The following ASCC3 variants were observed in gnomAD, a reference collection of about 807,000 sequenced individuals.
The protein encoded by ASCC3 is ASC-1 complex subunit P200.
A neutral mutation model predicts 256.3 loss-of-function variants in ASCC3; 158 were observed. The observed-to-expected ratio is 0.62, with a 90% confidence interval of 0.54 to 0.70. ASCC3 has a LOEUF of 0.70. Ranked by LOEUF, ASCC3 falls within the 30% of genes least tolerant of loss-of-function variation. The pLI is 0.00. For missense variants in ASCC3, 2,259 were observed against 2,626.0 expected (o/e 0.86, Z 3.05); for synonymous variants, 948 against 883.4 (o/e 1.07, Z -1.30).
Position 100,515,073 on chromosome 6 carries a change from A to C in ASCC3, c.6075+1107T>G, listed in dbSNP as rs147798491. 3.2e-4 allele frequency among the ~76,000 whole-genome samples: 48 copies of C among 152,332 alleles called. No individual in the cohort carries two copies. In the East Asian group the frequency reaches 8.7e-3, roughly 28 times the overall value. ...AATGGCAATTTATGCAAATAAATTA[A>C]GTAAGTTTACTTCTGAGTTCTCCCT... On this transcript the variant is annotated intron_variant, in intron 39 of 41. Coordinates refer to ENST00000369162, the MANE Select transcript of ASCC3 (RefSeq NM_006828.4).
chr6:100,659,898 C>T (rs1776105471), intron 16 of ASCC3, among the ~76,000 whole-genome samples: 1 of 151,646 alleles, frequency 6.6e-6, no homozygotes, highest in Non-Finnish European at 1.5e-5. Context: ...ACCTTACATA[C>T]TACATACATT....
chr6:100,759,092 T>C (rs2115112230), intron 10 of ASCC3, among the ~76,000 whole-genome samples: 1 of 152,320 alleles, frequency 6.6e-6, no homozygotes, highest in South Asian at 2.1e-4. Context: ...TGGGGTTGTT[T>C]TCTTCTTGTA....
At chr6:100,825,441 A>G (rs976337598) in intron 4 of ASCC3, among the ~76,000 whole-genome samples, 4 of 152,166 alleles carry the variant, frequency 2.6e-5, no homozygotes, top group African/African-American at 9.6e-5. Flanking sequence ...TCCTTTAGAA[A>G]TGTCCCTTTT....
intron 13 of ASCC3, among the ~76,000 whole-genome samples, chr6:100,698,215 A>G (rs1778180215): frequency 6.6e-6 from 1 of 152,122 alleles, no homozygotes; most frequent in African/African-American, 2.4e-5. Context: ...ACAAGTATGT[A>G]TTAGTTCAGT....
intron 10 of ASCC3, among the ~76,000 whole-genome samples, chr6:100,745,424 T>C (rs1257521667): frequency 6.6e-6 from 1 of 151,054 alleles, no homozygotes; most frequent in East Asian, 1.9e-4. Flanking sequence ...AAGGTGGAGG[T>C]TGCAGTGAGC....
At chr6:100,531,445 C>A (rs1375752646) in intron 37 of ASCC3, among the ~76,000 whole-genome samples, 2 of 152,058 alleles carry the variant, frequency 1.3e-5, no homozygotes, top group African/African-American at 4.8e-5. Flanking sequence ...CATCACAAAG[C>A]CATTTATAAG....
intron 8 of ASCC3, among the ~76,000 whole-genome samples, chr6:100,784,997 T>C (rs574024525): frequency 6.6e-6 from 1 of 150,494 alleles, no homozygotes; most frequent in Admixed American, 6.8e-5. Flanking sequence ...ATTTCTAATT[T>C]GTACCCCCTC....
intron 37 of ASCC3, among the ~76,000 whole-genome samples, chr6:100,525,589 C>G (rs1328065965): frequency 6.6e-6 from 1 of 151,392 alleles, no homozygotes; most frequent in Non-Finnish European, 1.5e-5. Flanking sequence ...TATTATATAT[C>G]AAGAAAAAAA....
chr6:100,788,952 T>C (rs1316850777), intron 8 of ASCC3, among the ~76,000 whole-genome samples: 1 of 152,008 alleles, frequency 6.6e-6, no homozygotes, highest in Non-Finnish European at 1.5e-5. Context: ...TTTGTTCATG[T>C]TGATATTTAC....
At chr6:100,857,352 GCCTTTTTA>G (rs995512118) in intron 3 of ASCC3, 1 of 151,842 alleles carries the variant, frequency 6.6e-6, no homozygotes. Flanking sequence ...TCCATGTTTT[GCCTTTTTA>G]CTCTTAATAA....
intron 14 of ASCC3, among the ~76,000 whole-genome samples, chr6:100,662,870 T>C: frequency 6.6e-6 from 1 of 151,984 alleles, no homozygotes; most frequent in East Asian, 1.9e-4. Context: ...AAACTAAATC[T>C]CAGTGGCTTC....
chr6:100,837,644 C>T (rs935161670), intron 4 of ASCC3, among the ~76,000 whole-genome samples: 1 of 152,022 alleles, frequency 6.6e-6, no homozygotes, highest in South Asian at 2.1e-4. Flanking sequence ...AAGACAAATA[C>T]TGTTTGATCT....
chr6:100,736,297 G>A (rs1780158587), intron 10 of ASCC3, among the ~76,000 whole-genome samples: 1 of 152,088 alleles, frequency 6.6e-6, no homozygotes, highest in Non-Finnish European at 1.5e-5. Flanking sequence ...GAGGTCAGGA[G>A]ATCGAGACCA....
intron 3 of ASCC3, chr6:100,857,417 G>T (rs1293900583): frequency 6.6e-6 from 1 of 151,860 alleles, no homozygotes; most frequent in African/African-American, 2.4e-5. Context: ...CATTCCCTTT[G>T]TACTTTTTGT....
intron 13 of ASCC3, among the ~76,000 whole-genome samples, chr6:100,711,572 C>CA (rs549282827): frequency 0.016 from 2,358 of 151,470 alleles, 25 homozygotes; most frequent in East Asian, 0.045. Context: ...ACTAAAAATA[C>CA]AAAAAAAATT....
chr6:100,596,486 C>T (rs1772306617), intron 34 of ASCC3, among the ~76,000 whole-genome samples: 1 of 152,000 alleles, frequency 6.6e-6, no homozygotes. Flanking sequence ...TATTTTTAGT[C>T]TCTCTAAAAA....
intron 10 of ASCC3, among the ~76,000 whole-genome samples, chr6:100,739,720 G>A (rs1031375369): frequency 5.9e-5 from 9 of 152,100 alleles, no homozygotes; most frequent in Admixed American, 2.0e-4. Context: ...TAGTTTATGC[G>A]CATAGAGGTG....
intron 34 of ASCC3, 24 bp from the exon 35 acceptor site, chr6:100,590,083 T>C: frequency 6.5e-7 from 1 of 1,533,082 alleles, no homozygotes; most frequent in African/African-American, 1.4e-5. Context: ...AAGGTTATTA[T>C]TATTTGTTTC....
At chr6:100,824,364 C>A (rs1771194923) in intron 4 of ASCC3, among the ~76,000 whole-genome samples, 1 of 152,068 alleles carries the variant, frequency 6.6e-6, no homozygotes, top group South Asian at 2.1e-4. Context: ...CATTAAAAGT[C>A]AAAAATAAGT....
Sources: allele counts gnomAD v4.1 joint callset (sites outside exome capture counted in the v4.1 genomes callset), GRCh38; gene constraint gnomAD v4.1.1; transcripts MANE v1.5; gene names NCBI Gene and HGNC (gene_info 2026-07-23, HGNC 2026-07-21).